Variants in AGBL1 observed in about 807,000 individuals in gnomAD.
AGBL1 encodes the protein cytosolic carboxypeptidase 4.
A neutral mutation model predicts 118.9 loss-of-function variants in AGBL1; 130 were observed. The ratio of observed to expected loss-of-function variants is 1.09; its 90% confidence interval spans 0.95 to 1.26. AGBL1 has a LOEUF of 1.26. Among genes scored for constraint, AGBL1 ranks in the 50% most tolerant of loss-of-function variants. The probability of loss-of-function intolerance (pLI) is 0.00; values close to 1 mark genes in which losing one functional copy is unlikely to be tolerated. For synonymous variants in AGBL1, 555 were observed against 478.9 expected (o/e 1.16, Z -2.08); for missense variants, 1,584 against 1,298.1 (o/e 1.22, Z -3.38).
At chr15:86,519,990 T>C (rs2083165998) in intron 18 of AGBL1, among the ~76,000 whole-genome samples, 1 of 152,240 alleles carries the variant, frequency 6.6e-6, no homozygotes, top group Non-Finnish European at 1.5e-5. Flanking sequence ...CTGTTCAGCC[T>C]ACTGCCTCTA....
chr15:86,549,053 AGAT>A (rs147335643), intron 20 of AGBL1, among the ~76,000 whole-genome samples: 1 of 152,244 alleles, frequency 6.6e-6, no homozygotes, highest in African/African-American at 2.4e-5. Context: ...AGCACCAAGA[AGAT>A]GATGCAAAAC....
At chr15:86,554,265 T>C in intron 20 of AGBL1, 96 bp from the exon 21 acceptor site, 1 of 1,063,560 alleles carries the variant, frequency 9.4e-7, no homozygotes, top group East Asian at 2.8e-5. Context: ...GAGTATTTTA[T>C]ATATAGATGC....
At chr15:86,995,471 T>C (rs1165646062) in intron 24 of AGBL1, among the ~76,000 whole-genome samples, 1 of 152,056 alleles carries the variant, frequency 6.6e-6, no homozygotes, top group Non-Finnish European at 1.5e-5. Context: ...AGCCCACAGC[T>C]CTCAATCAAA....
At chr15:86,286,931 A>C (rs1041970073) in intron 16 of AGBL1, among the ~76,000 whole-genome samples, 1 of 151,732 alleles carries the variant, frequency 6.6e-6, no homozygotes, top group African/African-American at 2.4e-5. Flanking sequence ...TTTTGAGGAA[A>C]CTTCATACTG....
intron 21 of AGBL1, among the ~76,000 whole-genome samples, chr15:86,583,451 T>C (rs750030525): frequency 6.6e-6 from 1 of 152,170 alleles, no homozygotes; most frequent in African/African-American, 2.4e-5. Flanking sequence ...TTTCTGTTCC[T>C]GTGTTAATTT....
intron 21 of AGBL1, among the ~76,000 whole-genome samples, chr15:86,666,377 A>G (rs2085644734): frequency 6.6e-6 from 1 of 152,158 alleles, no homozygotes; most frequent in African/African-American, 2.4e-5. Context: ...TTTAATTTGT[A>G]ACCTGTCTAT....
intron 23 of AGBL1, among the ~76,000 whole-genome samples, chr15:86,965,129 T>G (rs1411462073): frequency 6.6e-6 from 1 of 152,180 alleles, no homozygotes; most frequent in Non-Finnish European, 1.5e-5. Flanking sequence ...TGACTTATAA[T>G]CCTTTGGGTA....
intron 21 of AGBL1, among the ~76,000 whole-genome samples, chr15:86,659,935 A>T (rs2085513595): frequency 6.6e-6 from 1 of 151,812 alleles, no homozygotes; most frequent in South Asian, 2.1e-4. Flanking sequence ...CTGTTCCTGT[A>T]TTTATTACTA....
intron 18 of AGBL1, among the ~76,000 whole-genome samples, chr15:86,491,873 C>T (rs547453395): frequency 7.4e-5 from 11 of 149,614 alleles, no homozygotes; most frequent in African/African-American, 2.2e-4. Flanking sequence ...GGGTGGGGGG[C>T]GTGGAGCATA....
intron 18 of AGBL1, 73 bp from the exon 19 acceptor site, chr15:86,522,737 C>G: frequency 1.3e-6 from 2 of 1,530,620 alleles, no homozygotes. Context: ...AATTGTTTAT[C>G]TTGTGGAGCT....
At chr15:86,599,038 T>A (rs2084451501) in intron 21 of AGBL1, among the ~76,000 whole-genome samples, 1 of 152,138 alleles carries the variant, frequency 6.6e-6, no homozygotes, top group Admixed American at 6.6e-5. Context: ...TTAATGTCTC[T>A]TTCAATGCTA....
intron 22 of AGBL1, among the ~76,000 whole-genome samples, chr15:86,760,660 A>G (rs2078010651): frequency 6.6e-6 from 1 of 152,102 alleles, no homozygotes; most frequent in Admixed American, 6.6e-5. Flanking sequence ...CCCCTCTGCA[A>G]AAAGAAATAA....
intron 20 of AGBL1, among the ~76,000 whole-genome samples, chr15:86,551,489 T>G (rs2083662664): frequency 6.6e-6 from 1 of 152,146 alleles, no homozygotes. Flanking sequence ...GAACACAGAC[T>G]ACCAAAACTG....
intron 21 of AGBL1, among the ~76,000 whole-genome samples, chr15:86,593,497 T>C (rs145479701): frequency 1.1e-3 from 163 of 152,318 alleles, no homozygotes; most frequent in Middle Eastern, 6.8e-3. Context: ...TATTTTTAAA[T>C]GTCTTCTTCA....
At chr15:86,663,828 C>T (rs1405458330) in intron 21 of AGBL1, among the ~76,000 whole-genome samples, 1 of 152,134 alleles carries the variant, frequency 6.6e-6, no homozygotes, top group African/African-American at 2.4e-5. Flanking sequence ...AATTACATAA[C>T]TTTTTAAATG....
intron 17 of AGBL1, among the ~76,000 whole-genome samples, chr15:86,318,696 A>ATT (rs57988335): frequency 0.066 from 5,416 of 81,650 alleles, 168 homozygotes; most frequent in Non-Finnish European, 0.083. Flanking sequence ...TTGATCATAG[A>ATT]TTTTTTTTTT....
intron 21 of AGBL1, among the ~76,000 whole-genome samples, chr15:86,573,126 T>C (rs1435818919): frequency 6.6e-6 from 1 of 152,248 alleles, no homozygotes; most frequent in Non-Finnish European, 1.5e-5. Flanking sequence ...GTTATCTACT[T>C]TGTTTTAAGC....
In AGBL1 at chr15:86,831,534, G is replaced by A. The variant is rs117472119; in HGVS notation, c.3159-75553G>A. Reference sequence around the variant, plus strand: ...GGGGCTACATGCAATTCTGAAATCCGGAAGGCCAGTCAAATTTTAAAGCTC... The same window carrying A: ...GGGGCTACATGCAATTCTGAAATCCAGAAGGCCAGTCAAATTTTAAAGCTC... On this transcript the variant is annotated intron_variant, in intron 22 of 22. Coordinates refer to ENST00000614907, the MANE Select transcript of AGBL1 (RefSeq NM_001386094.1). Among the ~76,000 whole-genome samples, 3,426 of 152,222 alleles carry A rather than the reference G, an allele frequency of 0.023. 264 individuals carry two copies. The East Asian group carries it at 0.26, about 11-fold the overall frequency.
intron 21 of AGBL1, among the ~76,000 whole-genome samples, chr15:86,558,791 A>T (rs1055351874): frequency 6.6e-6 from 1 of 152,148 alleles, no homozygotes; most frequent in African/African-American, 2.4e-5. Flanking sequence ...AAAGCCCTCT[A>T]CTACAAAACT....
Sources: allele counts gnomAD v4.1 joint callset (sites outside exome capture counted in the v4.1 genomes callset), GRCh38; gene constraint gnomAD v4.1.1; transcripts MANE v1.5; gene names NCBI Gene and HGNC (gene_info 2026-07-23, HGNC 2026-07-21).